The following RAP1A variants were observed in gnomAD, a reference collection of about 807,000 sequenced individuals.
The protein encoded by RAP1A is RAP1A, member of RAS oncogene family.
In RAP1A, 6 loss-of-function variants were observed where a neutral mutation model predicts 26.4. That is an observed-to-expected ratio of 0.23 (90% CI 0.12 to 0.45). The LOEUF is 0.45. Among genes scored for constraint, RAP1A ranks in the 20% least tolerant of loss-of-function variants. RAP1A has a pLI of 0.99. For missense variants in RAP1A, 121 were observed against 217.2 expected (o/e 0.56, Z 2.78); for synonymous variants, 73 against 79.4 (o/e 0.92, Z 0.43).
chr1:111,711,811 C>G (rs1228808248), intron 7 of RAP1A, among the ~76,000 whole-genome samples: 3 of 152,152 alleles, frequency 2.0e-5, no homozygotes, highest in African/African-American at 7.2e-5. Flanking sequence ...TGTTAATCTC[C>G]TTTTTATATG....
intron 1 of RAP1A, among the ~76,000 whole-genome samples, chr1:111,688,237 T>G (rs1403653050): frequency 1.3e-5 from 2 of 151,324 alleles, no homozygotes; most frequent in South Asian, 2.1e-4. Context: ...TGTTCTATTT[T>G]CTTGTCTTGC....
chr1:111,650,827 G>T (rs1368973544), intron 1 of RAP1A, among the ~76,000 whole-genome samples: 2 of 151,448 alleles, frequency 1.3e-5, no homozygotes, highest in African/African-American at 4.9e-5. Flanking sequence ...ACAGAGTCTT[G>T]CTCTGTCGCC....
intron 1 of RAP1A, among the ~76,000 whole-genome samples, chr1:111,596,487 A>G (rs1209506796): frequency 6.6e-6 from 1 of 152,260 alleles, no homozygotes; most frequent in Non-Finnish European, 1.5e-5. Context: ...CTTGAGTTTT[A>G]TAATATCAGG....
intron 1 of RAP1A, among the ~76,000 whole-genome samples, chr1:111,575,208 G>A (rs1251760823): frequency 6.6e-6 from 1 of 152,010 alleles, no homozygotes; most frequent in African/African-American, 2.4e-5. Context: ...GAGTGCAGTG[G>A]CATGATCACG....
chr1:111,637,192 A>G (rs1571515811), intron 1 of RAP1A, among the ~76,000 whole-genome samples: 1 of 152,208 alleles, frequency 6.6e-6, no homozygotes, highest in East Asian at 1.9e-4. Flanking sequence ...AGTACATTTT[A>G]TAGTTAATAA....
chr1:111,695,295 G>T, intron 2 of RAP1A, 46 bp from the exon 3 acceptor site: 2 of 1,392,510 alleles, frequency 1.4e-6, no homozygotes, highest in Admixed American at 2.4e-5. Flanking sequence ...ACATTCAAAG[G>T]AGTTTTCCTT....
chr1:111,619,457 A>G (rs552185455), upstream of RAP1A, among the ~76,000 whole-genome samples: 7 of 152,284 alleles, frequency 4.6e-5, no homozygotes, highest in East Asian at 1.2e-3. Context: ...GCTTAGTTAG[A>G]ACAGCGCCTG....
At chr1:111,703,694 T>G (rs1662093894) in intron 5 of RAP1A, among the ~76,000 whole-genome samples, 1 of 152,192 alleles carries the variant, frequency 6.6e-6, no homozygotes, top group Admixed American at 6.5e-5. Flanking sequence ...AAGTACTCAT[T>G]GTGCTATAGG....
chr1:111,548,266 C>A (rs538363929), intron 1 of RAP1A, among the ~76,000 whole-genome samples: 12 of 152,360 alleles, frequency 7.9e-5, no homozygotes, highest in Non-Finnish European at 1.3e-4. Flanking sequence ...AGCGACCCAC[C>A]CACCTCGGCC....
chr1:111,583,469 CA>C (rs71099919), intron 1 of RAP1A, among the ~76,000 whole-genome samples: 238 of 143,848 alleles, frequency 1.7e-3, no homozygotes, highest in Admixed American at 3.5e-3. Context: ...AGACCCCATT[CA>C]AAAAAAAAAA....
chr1:111,672,398 C>T (rs894137027), intron 1 of RAP1A, among the ~76,000 whole-genome samples: 1 of 152,122 alleles, frequency 6.6e-6, no homozygotes, highest in African/African-American at 2.4e-5. Flanking sequence ...GCAAGAAATT[C>T]ATAATGTCTT....
At chr1:111,594,867 T>C (rs1295676895) in intron 1 of RAP1A, among the ~76,000 whole-genome samples, 1 of 152,206 alleles carries the variant, frequency 6.6e-6, no homozygotes, top group Non-Finnish European at 1.5e-5. Flanking sequence ...ACACGATTCT[T>C]ATAAAAATAA....
At chr1:111,566,213 A>C (rs965260689) in intron 1 of RAP1A, among the ~76,000 whole-genome samples, 1 of 152,164 alleles carries the variant, frequency 6.6e-6, no homozygotes, top group Non-Finnish European at 1.5e-5. Flanking sequence ...TGGAGCATAC[A>C]CTGAAGTGGG....
chr1:111,596,090 GTTAAACCTAACAGA>G (rs1416064799), intron 1 of RAP1A, among the ~76,000 whole-genome samples: 1 of 152,178 alleles, frequency 6.6e-6, no homozygotes, highest in African/African-American at 2.4e-5. Context: ...TGCCTCCCTT[GTTAAACCTAACAGA>G]TAAACATAAG....
At chr1:111,592,839 T>A (rs535330730) in intron 1 of RAP1A, among the ~76,000 whole-genome samples, 5 of 152,190 alleles carry the variant, frequency 3.3e-5, no homozygotes, top group East Asian at 3.9e-4. Flanking sequence ...CACGCCCCCA[T>A]TTCCTCTCTT....
intron 1 of RAP1A, among the ~76,000 whole-genome samples, chr1:111,586,274 C>A (rs1339891141): frequency 6.6e-6 from 1 of 152,124 alleles, no homozygotes; most frequent in Non-Finnish European, 1.5e-5. Flanking sequence ...GAAGTCGTGA[C>A]AACATGAACA....
At chr1:111,587,190 T>C (rs1217922336) in intron 1 of RAP1A, among the ~76,000 whole-genome samples, 1 of 152,124 alleles carries the variant, frequency 6.6e-6, no homozygotes, top group African/African-American at 2.4e-5. Flanking sequence ...TATAGATTCA[T>C]TTGCTCCAAC....
chr1:111,647,477 A>G (rs1364670393), intron 1 of RAP1A, among the ~76,000 whole-genome samples: 3 of 152,214 alleles, frequency 2.0e-5, no homozygotes, highest in African/African-American at 7.2e-5. Context: ...AGTCTGTGAA[A>G]AAATTGTCTT....
At chr1:111,688,944 C>T (rs1043223458) in intron 1 of RAP1A, among the ~76,000 whole-genome samples, 2 of 151,534 alleles carry the variant, frequency 1.3e-5, no homozygotes, top group African/African-American at 2.4e-5. Context: ...AAGGGGTTCT[C>T]CTACCTCAGC....
Sources: allele counts gnomAD v4.1 joint callset (sites outside exome capture counted in the v4.1 genomes callset), GRCh38; gene constraint gnomAD v4.1.1; transcripts MANE v1.5; gene names NCBI Gene and HGNC (gene_info 2026-07-23, HGNC 2026-07-21).